RAPGEF1: variants seen among roughly 807,000 people sequenced by gnomAD.
RAPGEF1 encodes Rap guanine nucleotide exchange factor 1.
In RAPGEF1, 33 loss-of-function variants were observed where a neutral mutation model predicts 143.3. That is an observed-to-expected ratio of 0.23 (90% CI 0.17 to 0.31). The LOEUF is 0.31. Among genes scored for constraint, RAPGEF1 ranks in the 10% least tolerant of loss-of-function variants. The pLI is 1.00. For missense variants in RAPGEF1, 1,199 were observed against 1,645.4 expected (o/e 0.73, Z 4.69); for synonymous variants, 629 against 676.5 (o/e 0.93, Z 1.09).
intron 1 of RAPGEF1, among the ~76,000 whole-genome samples, chr9:131,697,359 A>G (rs1834268469): frequency 6.6e-6 from 1 of 152,232 alleles, no homozygotes; most frequent in South Asian, 2.1e-4. Context: ...GAGAGCTTGA[A>G]AACATTTTCA....
chr9:131,587,432 G>A (rs1218968254), intron 22 of RAPGEF1, among the ~76,000 whole-genome samples: 1 of 152,268 alleles, frequency 6.6e-6, no homozygotes, highest in Non-Finnish European at 1.5e-5. Context: ...TTGCCTGGCA[G>A]TGACCAGGGC....
chr9:131,660,919 C>T (rs1460740323), intron 1 of RAPGEF1, among the ~76,000 whole-genome samples: 5 of 152,174 alleles, frequency 3.3e-5, no homozygotes, highest in Non-Finnish European at 7.4e-5. Context: ...TCACAAAAGG[C>T]AACATTCAAA....
intron 22 of RAPGEF1, among the ~76,000 whole-genome samples, chr9:131,586,905 T>A (rs1331524087): frequency 2.0e-5 from 1 of 50,142 alleles, no homozygotes; most frequent in Non-Finnish European, 3.5e-5. Context: ...CACACACACC[T>A]GCAGAGCGAG....
intron 1 of RAPGEF1, among the ~76,000 whole-genome samples, chr9:131,706,422 C>G (rs1248002975): frequency 6.6e-6 from 1 of 152,094 alleles, no homozygotes; most frequent in Admixed American, 6.5e-5. Context: ...GCCACCATGC[C>G]TGGTTAATTT....
chr9:131,617,866 G>A (rs1306767526), intron 12 of RAPGEF1, among the ~76,000 whole-genome samples: 1 of 152,240 alleles, frequency 6.6e-6, no homozygotes, highest in Non-Finnish European at 1.5e-5. Flanking sequence ...TTGTTCTAGA[G>A]TTCTTTCCCC....
chr9:131,730,233 G>C (rs1378846031), intron 1 of RAPGEF1, among the ~76,000 whole-genome samples: 16 of 138,288 alleles, frequency 1.2e-4, no homozygotes, highest in African/African-American at 4.3e-4. Context: ...AATTAACAAA[G>C]CCCAAAACAA....
chr9:131,732,420 C>T (rs540637587), intron 1 of RAPGEF1, among the ~76,000 whole-genome samples: 1 of 152,284 alleles, frequency 6.6e-6, no homozygotes, highest in African/African-American at 2.4e-5. Flanking sequence ...CAAGTGGAAG[C>T]TCAAAGAACA....
chr9:131,638,345 G>A (rs1966846110), intron 5 of RAPGEF1, among the ~76,000 whole-genome samples: 2 of 152,200 alleles, frequency 1.3e-5, no homozygotes, highest in African/African-American at 2.4e-5. Flanking sequence ...GATCTCCATT[G>A]CATTTTGTCT....
intron 1 of RAPGEF1, among the ~76,000 whole-genome samples, chr9:131,702,519 T>C (rs1834736958): frequency 6.6e-6 from 1 of 152,234 alleles, no homozygotes; most frequent in African/African-American, 2.4e-5. Context: ...AAAATGGTGT[T>C]TGTAAGTGTA....
intron 12 of RAPGEF1, among the ~76,000 whole-genome samples, chr9:131,605,980 G>A (rs964809691): frequency 6.6e-6 from 1 of 152,096 alleles, no homozygotes; most frequent in Non-Finnish European, 1.5e-5. Context: ...AGGCTGAGAT[G>A]GGAGGATCAC....
chr9:131,604,914 G>A lies in RAPGEF1; in HGVS notation c.2319+17C>T, dbSNP rs1475003376. On this transcript the variant is annotated intron_variant, in intron 13 of 26. Transcript: ENST00000683357. ...TGTGTGTGTGTGTGTGTGTGTGTGTGCACGCTGAGTTCTCACCGAGTCAGT... is the reference window on the plus strand; with the variant it reads ...TGTGTGTGTGTGTGTGTGTGTGTGTACACGCTGAGTTCTCACCGAGTCAGT... 7.0e-6 allele frequency: 9 copies of A among 1,290,506 alleles called. No individual in the cohort carries two copies. The Admixed American group carries it at 1.6e-4, about 23-fold the overall frequency. 79.9% of individuals were successfully genotyped at this position (1,290,506 alleles called of 1,614,324 possible). A position where few individuals can be genotyped will look rare whatever the true frequency, so the allele number is the denominator to read the frequency against.
At chr9:131,619,441 C>T (rs1050141149) in intron 11 of RAPGEF1, among the ~76,000 whole-genome samples, 1 of 152,172 alleles carries the variant, frequency 6.6e-6, no homozygotes, top group African/African-American at 2.4e-5. Flanking sequence ...ATTGTGTCCA[C>T]TGGAAGCAGG....
intron 1 of RAPGEF1, among the ~76,000 whole-genome samples, chr9:131,669,972 T>A (rs1831094612): frequency 6.6e-6 from 1 of 152,156 alleles, no homozygotes; most frequent in African/African-American, 2.4e-5. Flanking sequence ...CAGCAATGAC[T>A]AGGACCACTT....
chr9:131,718,942 A>T (rs1836059767), intron 1 of RAPGEF1, among the ~76,000 whole-genome samples: 1 of 152,186 alleles, frequency 6.6e-6, no homozygotes, highest in South Asian at 2.1e-4. Flanking sequence ...GATGCTGTAA[A>T]ATTACTCATG....
At chr9:131,682,066 C>A (rs1832960315) in intron 1 of RAPGEF1, among the ~76,000 whole-genome samples, 1 of 152,164 alleles carries the variant, frequency 6.6e-6, no homozygotes, top group Non-Finnish European at 1.5e-5. Flanking sequence ...TAAAGCTACT[C>A]TGCTAGCACA....
At position 131,598,120 on chromosome 9, in the gene RAPGEF1, C is replaced by T. The variant is rs1588304706; in HGVS notation, c.2613+79G>A. On this transcript the variant is annotated intron_variant, in intron 16 of 26. Coordinates refer to ENST00000683357, the MANE Select transcript of RAPGEF1 (RefSeq NM_001377935.1). ...CCTCCTAGGGTTGTTCTGCTTATGA[C>T]AAGATCACATTCTTCTCTGCCCCAC... 5.5e-6 allele frequency: 7 copies of T among 1,267,448 alleles called. No homozygotes were observed. In the East Asian group the frequency reaches 1.7e-4, roughly 31 times the overall value. The allele number at this position is 1,267,448 out of a possible 1,614,324, so 78.5% of individuals were successfully genotyped here.
rs749924571 is a variant in RAPGEF1 at position 131,622,017 on chromosome 9, A to AGCT, written c.1703-22_1703-20dup. 54 of 1,606,416 alleles carry AGCT rather than the reference A, an allele frequency of 3.4e-5. No homozygotes were observed. Among genetic ancestry groups the AGCT allele is most frequent in the Non-Finnish European group, 4.2e-5 (49 of 1,176,246 alleles). On this transcript the variant is annotated intron_variant, in intron 10 of 26. Coordinates refer to ENST00000683357, the MANE Select transcript of RAPGEF1 (RefSeq NM_001377935.1). The stretch of plus-strand genomic sequence containing the variant: ...GCCAGCACTGTGAAACAAGGGAGAA[A>AGCT]GCTGCAGCGAGGCCGGGGGAGGCCA...
intron 16 of RAPGEF1, 95 bp downstream of exon 16, chr9:131,598,104 G>A: frequency 9.2e-7 from 1 of 1,090,478 alleles, no homozygotes; most frequent in South Asian, 1.4e-5. Context: ...GCCTCCTAGG[G>A]TTGTTCTGCT....
intron 10 of RAPGEF1, 40 bp downstream of exon 10, chr9:131,625,882 A>T (rs751503127): frequency 6.5e-5 from 99 of 1,512,466 alleles, no homozygotes; most frequent in Non-Finnish European, 8.4e-5. Flanking sequence ...ATTTCAGGTT[A>T]TAAAATGCAC....
Sources: allele counts gnomAD v4.1 joint callset (sites outside exome capture counted in the v4.1 genomes callset), GRCh38; gene constraint gnomAD v4.1.1; transcripts MANE v1.5; gene names NCBI Gene and HGNC (gene_info 2026-07-23, HGNC 2026-07-21).